The following FAM53B variants were observed in gnomAD, a reference collection of about 807,000 sequenced individuals.
The protein encoded by FAM53B is protein FAM53B.
Under a neutral mutation model 32.7 loss-of-function variants are expected in FAM53B, and 12 were observed. The ratio of observed to expected loss-of-function variants is 0.37; its 90% CI spans 0.24 to 0.59. The LOEUF (loss-of-function observed/expected upper bound fraction) is 0.59. Among genes scored for constraint, FAM53B ranks in the 20% least tolerant of loss-of-function variants. The pLI is 0.72. For synonymous variants in FAM53B, 234 were observed against 228.7 expected, an observed-to-expected ratio of 1.02 and a Z score of -0.21; for missense variants, 477 against 577.7, an observed-to-expected ratio of 0.83 and a Z score of 1.79.
intron 1 of FAM53B, among the ~76,000 whole-genome samples, chr10:124,723,253 GTC>G (rs1950080769): frequency 6.6e-6 from 1 of 152,228 alleles, no homozygotes; most frequent in African/African-American, 2.4e-5. Context: ...CTCAGGAAAT[GTC>G]TGCTGAAACA....
intron 4 of FAM53B, among the ~76,000 whole-genome samples, chr10:124,636,700 G>C (rs1182852713): frequency 6.6e-6 from 1 of 152,036 alleles, no homozygotes; most frequent in Non-Finnish European, 1.5e-5. Flanking sequence ...ATCCTGCGGA[G>C]GTTAGAGGAG....
chr10:124,645,395 A>G (rs928078649), intron 4 of FAM53B, among the ~76,000 whole-genome samples: 2 of 152,266 alleles, frequency 1.3e-5, no homozygotes, highest in Non-Finnish European at 2.9e-5. Context: ...TGAGAGATGC[A>G]AAATCTCAGC....
chr10:124,683,355 A>G (rs1046467573), intron 3 of FAM53B, among the ~76,000 whole-genome samples: 1 of 152,240 alleles, frequency 6.6e-6, no homozygotes. Flanking sequence ...ATATGCCATG[A>G]TATCAGGGAA....
chr10:124,729,835 T>C (rs1589766751), intron 1 of FAM53B, among the ~76,000 whole-genome samples: 1 of 152,152 alleles, frequency 6.6e-6, no homozygotes, highest in African/African-American at 2.4e-5. Context: ...GATGCATTTA[T>C]GCCTGGGTCT....
intron 2 of FAM53B, among the ~76,000 whole-genome samples, chr10:124,698,129 G>A (rs1949887195): frequency 6.6e-6 from 1 of 152,166 alleles, no homozygotes; most frequent in African/African-American, 2.4e-5. Context: ...TGCCAAGGAA[G>A]GCAGCTCCCA....
At chr10:124,740,258 C>T (rs757415643) in intron 1 of FAM53B, among the ~76,000 whole-genome samples, 2 of 152,134 alleles carry the variant, frequency 1.3e-5, no homozygotes, top group Non-Finnish European at 2.9e-5. Context: ...CCGCAATACA[C>T]GAAGCCCAAA....
chr10:124,624,327 A>AT, intron 4 of FAM53B, among the ~76,000 whole-genome samples: 1 of 152,306 alleles, frequency 6.6e-6, no homozygotes, highest in African/African-American at 2.4e-5. Context: ...CTGGGGAAAC[A>AT]TGAGTTCTCG....
chr10:124,682,673 A>G lies in FAM53B; in HGVS notation c.134-294T>C, dbSNP rs1476026448. ...AGTGTACCACACTGCCTCCCAGGAG[A>G]ATCCAAAGCAATATTTTTCATCCAA... On this transcript the variant is annotated intron_variant, in intron 3 of 4. Transcript: ENST00000337318. The surrounding 1 kb of genome is among the most constrained non-coding windows in gnomAD (Gnocchi z 5.2). Among the ~76,000 whole-genome samples the G allele has an allele frequency of 6.6e-6, 1 of 152,206 alleles. No individual in the cohort carries two copies.
intron 4 of FAM53B, among the ~76,000 whole-genome samples, chr10:124,640,704 G>A (rs1196279683): frequency 6.6e-6 from 1 of 152,204 alleles, no homozygotes; most frequent in Non-Finnish European, 1.5e-5. Flanking sequence ...AACCTTGGGA[G>A]GGGGCGCTAC....
At position 124,682,269 on chromosome 10, in the gene FAM53B, C is replaced by T. The variant is rs372875771; in HGVS notation, c.244G>A (p.Glu82Lys). 7 of 1,613,940 alleles carry T rather than the reference C, an allele frequency of 4.3e-6. No individual in the cohort carries two copies. Among genetic ancestry groups the T allele is most frequent in the Non-Finnish European group, 5.9e-6 (7 of 1,180,010 alleles). The change falls in exon 4 of 5, where the codon GAG (glutamate) becomes AAG (lysine). Residue 82 changes from glutamate to lysine, a missense_variant. This residue lies in a region of FAM53B where 312 missense variants were observed against 420.2 expected (regional missense o/e 0.74). Transcript: ENST00000337318. This position sits in a 1 kb window ranked among gnomAD's most constrained non-coding sequence, Gnocchi z 5.2. ...GTCACAGCGCAGGCGGTCACTGCCT[C>T]CCGGTGCCATAGTGAGCTGTCCTTT... Reference protein sequence around the residue: ...PEKDSSLWHREAVTACAVTSL... With the variant: ...PEKDSSLWHRKAVTACAVTSL...
Position 124,622,948 on chromosome 10 carries a change from A to C in FAM53B, c.*294T>G. On this transcript the variant is annotated 3_prime_UTR_variant, in exon 5 of 5. Transcript: ENST00000337318. ...AGAGACTGCCCAACATCCCACAGGG[A>C]AAGAGGCAGAAAAGACGCAAACTTC... is the stretch of plus-strand genomic sequence containing the variant. The C allele has an allele frequency of 6.1e-6, 2 of 326,880 alleles. No individual in the cohort carries two copies. Among genetic ancestry groups the C allele is most frequent in the Non-Finnish European group, 5.6e-6 (1 of 177,176 alleles). 20.2% of individuals were successfully genotyped at this position (326,880 alleles called of 1,614,324 possible). A position where few individuals can be genotyped will look rare whatever the true frequency, so the allele number is the denominator to read the frequency against.
chr10:124,669,177 G>A (rs560436370), intron 4 of FAM53B, among the ~76,000 whole-genome samples: 6 of 152,328 alleles, frequency 3.9e-5, no homozygotes, highest in Admixed American at 2.6e-4. Context: ...GTTCTGCTTT[G>A]GGCAGTAAGA....
chr10:124,644,030 C>A (rs1427312013), intron 4 of FAM53B, among the ~76,000 whole-genome samples: 1 of 140,780 alleles, frequency 7.1e-6, no homozygotes, highest in Non-Finnish European at 1.5e-5. Context: ...CAAAACTGGC[C>A]TTGCTCCAAC....
At position 124,662,310 on chromosome 10, in the gene FAM53B, A is replaced by C. The variant is rs1035428217; in HGVS notation, c.906+19297T>G. Among the ~76,000 whole-genome samples, 6 of 152,392 alleles carry C rather than the reference A, an allele frequency of 3.9e-5. No individual in the cohort carries two copies. In the South Asian group the frequency reaches 6.2e-4, roughly 16 times the overall value. Reference sequence around the variant, plus strand: ...GCACAGTGCCTGCCACACTGTCCCCAGTAAACAATGCTGTCATCCTTGCTT... The same window carrying C: ...GCACAGTGCCTGCCACACTGTCCCCCGTAAACAATGCTGTCATCCTTGCTT... On this transcript the variant is annotated intron_variant, in intron 4 of 4. Transcript: ENST00000337318.
At chr10:124,713,905 G>A (rs1459512006) in intron 1 of FAM53B, 3 of 152,152 alleles carry the variant, frequency 2.0e-5, no homozygotes, top group East Asian at 1.9e-4. Flanking sequence ...TTAAGCAAAG[G>A]AAATAGGAGG....
chr10:124,674,559 C>G (rs1043888166), intron 4 of FAM53B, among the ~76,000 whole-genome samples: 4 of 152,240 alleles, frequency 2.6e-5, no homozygotes, highest in African/African-American at 4.8e-5. Context: ...TCCCACCAGC[C>G]CTCTGTCTCC....
chr10:124,716,678 G>A (rs1231345394), intron 1 of FAM53B, among the ~76,000 whole-genome samples: 3 of 152,024 alleles, frequency 2.0e-5, no homozygotes, highest in East Asian at 3.9e-4. Flanking sequence ...TAATTCTCAC[G>A]ACCGCTCATG....
intron 4 of FAM53B, among the ~76,000 whole-genome samples, chr10:124,666,853 G>A (rs2134060173): frequency 6.6e-6 from 1 of 152,340 alleles, no homozygotes. Context: ...GTGGGCACCA[G>A]ACGCTCTGGT....
chr10:124,701,657 C>T (rs992096848), intron 2 of FAM53B, among the ~76,000 whole-genome samples: 8 of 152,206 alleles, frequency 5.3e-5, no homozygotes, highest in African/African-American at 1.7e-4. Flanking sequence ...TGTTAGAACA[C>T]TGGAAGGAAG....
Sources: allele counts gnomAD v4.1 joint callset (sites outside exome capture counted in the v4.1 genomes callset), GRCh38; gene constraint gnomAD v4.1.1; regional missense constraint gnomAD v4.1.1; non-coding constraint Gnocchi (gnomAD v3.1); transcripts MANE v1.5; gene names NCBI Gene and HGNC (gene_info 2026-07-23, HGNC 2026-07-21).